The following PHF20L1 variants were observed in gnomAD, a reference collection of about 807,000 sequenced individuals.
PHF20L1 encodes the protein PHD finger protein 20-like protein 1.
Under a neutral mutation model 125.5 loss-of-function variants are expected in PHF20L1, and 44 were observed. The observed-to-expected ratio is 0.35, with a 90% CI of 0.28 to 0.45. The LOEUF is 0.45. Among genes scored for constraint, PHF20L1 ranks in the 20% least tolerant of loss-of-function variants. PHF20L1 has a pLI of 1.00. For missense variants in PHF20L1, 1,012 were observed against 1,217.2 expected, an observed-to-expected ratio of 0.83 and a Z score of 2.51; for synonymous variants, 380 against 403.1, an observed-to-expected ratio of 0.94 and a Z score of 0.69.
At chr8:132,793,464 G>A (rs1832010164) in intron 2 of PHF20L1, among the ~76,000 whole-genome samples, 1 of 151,948 alleles carries the variant, frequency 6.6e-6, no homozygotes, top group Admixed American at 6.6e-5. Context: ...AGTTTTTCAC[G>A]GGGAAAACAA....
chr8:132,841,874 G>T (rs1404050891), intron 18 of PHF20L1: 1 of 152,076 alleles, frequency 6.6e-6, no homozygotes, highest in African/African-American at 2.4e-5. Flanking sequence ...GAATTGGTTG[G>T]CTCGACTGGT....
chr8:132,839,111 A>C, intron 17 of PHF20L1: 1 of 343,540 alleles, frequency 2.9e-6, no homozygotes, highest in Middle Eastern at 8.3e-4. Flanking sequence ...ATGACTACAA[A>C]ACATTGAAAG....
chr8:132,845,770 C>G lies in PHF20L1; in HGVS notation c.2912-11C>G, dbSNP rs762029174. ...GCAGTTTAAATTTGTTTATCTTCTT[C>G]TCTCTTTTAGTTCTGGAAAGCTGGC... On this transcript the variant is annotated splice_polypyrimidine_tract_variant and intron_variant, in intron 20 of 20. Transcript: ENST00000395386. 10 of 1,587,674 alleles carry G rather than the reference C, an allele frequency of 6.3e-6. No homozygotes were observed. The highest frequency in any genetic ancestry group is 4.4e-5 in the South Asian group (4 of 90,360).
Position 132,817,405 on chromosome 8 carries a change from G to A in PHF20L1, c.1439G>A (p.Gly480Asp). 2 of 1,612,782 alleles carry A rather than the reference G, an allele frequency of 1.2e-6. No homozygotes were observed. Among genetic ancestry groups the A allele is most frequent in the Non-Finnish European group, 1.7e-6 (2 of 1,179,210 alleles). ...GPCLPLDLSR[G>D]SEVTAPVASD... ...TGTCTCCCTCTTGACTTAAGTCGTG[G>A]TTCAGAAGTTACAGCACCGGTAGCC... Residue 480 changes from glycine (G) to aspartate (D), a missense_variant, in exon 12 of 21, where the codon GGT becomes GAT. By Grantham distance (94) the Gly-to-Asp change is moderately conservative. Coordinates refer to ENST00000395386, the MANE Select transcript of PHF20L1 (RefSeq NM_016018.5).
chr8:132,811,196 A>G lies in PHF20L1; in HGVS notation c.930+68A>G, dbSNP rs565791062. 3.1e-4 allele frequency: 493 copies of G among 1,597,906 alleles called. 1 individual carries two copies. Among genetic ancestry groups the G allele is most frequent in the Non-Finnish European group, 4.1e-4 (475 of 1,170,980 alleles). On this transcript the variant is annotated intron_variant, in intron 9 of 20. Transcript: ENST00000395386. Reference sequence around the variant, plus strand: ...GAATGATCACGGAGCTCTAGTATCTACGTAATTGAAATTCCCCTTTTGATC... The same window carrying G: ...GAATGATCACGGAGCTCTAGTATCTGCGTAATTGAAATTCCCCTTTTGATC...
At chr8:132,777,959 C>T in intron 2 of PHF20L1, 48 bp downstream of exon 2, 3 of 1,122,088 alleles carry the variant, frequency 2.7e-6, no homozygotes, top group Non-Finnish European at 4.1e-6. Context: ...TATCTGTAGC[C>T]TTACATATGT....
chr8:132,820,652 A>C (rs145311704), intron 12 of PHF20L1, among the ~76,000 whole-genome samples: 1 of 151,928 alleles, frequency 6.6e-6, no homozygotes, highest in Non-Finnish European at 1.5e-5. Context: ...TTTTTCATCT[A>C]TATGATGAGA....
chr8:132,801,872 T>C (rs1021152473), intron 6 of PHF20L1, among the ~76,000 whole-genome samples: 1 of 151,528 alleles, frequency 6.6e-6, no homozygotes, highest in Non-Finnish European at 1.5e-5. Flanking sequence ...TAAAAACATA[T>C]TTAAATTTAA....
At chr8:132,776,822 C>G (rs565651622) in intron 1 of PHF20L1, among the ~76,000 whole-genome samples, 3 of 152,298 alleles carry the variant, frequency 2.0e-5, no homozygotes, top group Non-Finnish European at 4.4e-5. Flanking sequence ...TTACGGATCT[C>G]TCCTCGCCCC....
intron 8 of PHF20L1, chr8:132,807,793 A>G: frequency 2.2e-6 from 1 of 454,876 alleles, no homozygotes; most frequent in Non-Finnish European, 4.4e-6. Flanking sequence ...GGTGGGTGGA[A>G]CTGATGACTA....
Position 132,847,812 on chromosome 8 carries a change from G to A in PHF20L1, c.*1889G>A, listed in dbSNP as rs1460387388. The A allele has an allele frequency of 6.6e-6, 1 of 152,432 alleles. No homozygotes were observed. Among genetic ancestry groups the A allele is most frequent in the Non-Finnish European group, 1.5e-5 (1 of 67,956 alleles). 9.4% of individuals were successfully genotyped at this position (152,432 alleles called of 1,614,324 possible). ...AGCTTTAGCAGAGGTGGTATTGTGG[G>A]GTAATTGCTTAAATTTACATATCAA... On this transcript the variant is annotated 3_prime_UTR_variant, in exon 21 of 21. Transcript: ENST00000395386.
chr8:132,784,222 G>A (rs11998349), intron 2 of PHF20L1, among the ~76,000 whole-genome samples: 16,021 of 151,936 alleles, frequency 0.11, 1,045 homozygotes, highest in East Asian at 0.35. Flanking sequence ...CTTTTTTTAT[G>A]TTAATTCGTT....
At chr8:132,821,799 T>C (rs1183476755) in intron 12 of PHF20L1, among the ~76,000 whole-genome samples, 1 of 152,084 alleles carries the variant, frequency 6.6e-6, no homozygotes, top group East Asian at 1.9e-4. Flanking sequence ...ATTTGTGTTT[T>C]GGTTTTTGTT....
intron 18 of PHF20L1, chr8:132,841,662 G>T (rs1313912279): frequency 6.6e-6 from 1 of 152,082 alleles, no homozygotes; most frequent in Non-Finnish European, 1.5e-5. Flanking sequence ...TACATGTTCA[G>T]TGAGGATGAA....
intron 6 of PHF20L1, among the ~76,000 whole-genome samples, chr8:132,801,185 T>C (rs1283140452): frequency 1.3e-5 from 2 of 151,728 alleles, no homozygotes; most frequent in South Asian, 2.1e-4. Flanking sequence ...TTTTCTCTCA[T>C]TTCTTCTTCC....
chr8:132,820,027 C>G (rs1835405824), intron 12 of PHF20L1, among the ~76,000 whole-genome samples: 1 of 151,770 alleles, frequency 6.6e-6, no homozygotes, highest in Non-Finnish European at 1.5e-5. Context: ...TACAACTTTT[C>G]TTAATTGTTT....
At chr8:132,787,977 A>G (rs1831245273) in intron 2 of PHF20L1, among the ~76,000 whole-genome samples, 1 of 152,038 alleles carries the variant, frequency 6.6e-6, no homozygotes, top group African/African-American at 2.4e-5. Context: ...CATTTTTATG[A>G]CTACCATAGT....
chr8:132,844,274 A>G lies in PHF20L1; in HGVS notation c.2867A>G (p.Asn956Ser), dbSNP rs1219998380. The change falls in exon 20 of 21, where the codon AAC becomes AGC. Residue 956 changes from asparagine to serine, a missense_variant. By Grantham distance (46) the Asn-to-Ser change is conservative. This residue lies in a region of PHF20L1 where 277 missense variants were observed against 283.6 expected (regional missense o/e 0.98). Coordinates refer to ENST00000395386, the MANE Select transcript of PHF20L1 (RefSeq NM_016018.5). The stretch of plus-strand genomic sequence containing the variant: ...CTTACACACATAGAAAATGTGCAGA[A>G]CGAAGTTACCAGCAGGATGGACCTA... ...NLLTHIENVQ[N>S]EVTSRMDLIE... 6.2e-7 allele frequency: 1 copy of G among 1,612,778 alleles called. No individual in the cohort carries two copies. The highest frequency in any genetic ancestry group is 1.7e-5 in the Admixed American group (1 of 59,888).
In PHF20L1 at chr8:132,803,970, C is replaced by A. The variant is rs780947055; in HGVS notation, c.659C>A (p.Thr220Asn). The A allele has an allele frequency of 6.2e-7, 1 of 1,612,272 alleles. No individual in the cohort carries two copies. Among genetic ancestry groups the A allele is most frequent in the Admixed American group, 1.7e-5 (1 of 59,904 alleles). The part of the protein sequence containing the change: ...KVPSKKEETS[T>N]CIATPDVEKK... Reference sequence around the variant, plus strand: ...CCTTCAAAGAAGGAGGAAACTTCAACTTGTATAGCCACACCAGACGTAGAG... The same window carrying A: ...CCTTCAAAGAAGGAGGAAACTTCAAATTGTATAGCCACACCAGACGTAGAG... Residue 220 changes from threonine (T) to asparagine (N), a missense_variant, in exon 7 of 21, where the codon ACT becomes AAT. By Grantham distance (65) the Thr-to-Asn change is moderately conservative. This residue lies in a region of PHF20L1 where 134 missense variants were observed against 145.9 expected (regional missense o/e 0.92). Coordinates refer to ENST00000395386, the MANE Select transcript of PHF20L1 (RefSeq NM_016018.5).
Sources: gnomAD v4.1 joint callset for allele counts (sites outside exome capture counted in the v4.1 genomes callset) on GRCh38, gnomAD v4.1.1 for gene constraint, gnomAD v4.1.1 regional missense constraint, MANE v1.5 for transcripts, NCBI Gene and HGNC (gene_info 2026-07-23, HGNC 2026-07-21) for gene names.